Variants in RALGAPB observed in about 807,000 individuals in gnomAD.
The protein encoded by RALGAPB is Ral GTPase activating protein non-catalytic subunit beta.
A neutral mutation model predicts 161.1 loss-of-function variants in RALGAPB; 25 were observed. The ratio of observed to expected loss-of-function variants is 0.16; its 90% CI spans 0.11 to 0.22. RALGAPB has a LOEUF of 0.22. Ranked by LOEUF, RALGAPB falls within the 10% of genes least tolerant of loss-of-function variation. The pLI is 1.00. For synonymous variants in RALGAPB, 629 were observed against 626.1 expected, an observed-to-expected ratio of 1.00 and a Z score of -0.07; for missense variants, 1,391 against 1,815.2, an observed-to-expected ratio of 0.77 and a Z score of 4.25.
At chr20:38,477,147 C>G (rs1215665847) in intron 1 of RALGAPB, among the ~76,000 whole-genome samples, 1 of 152,232 alleles carries the variant, frequency 6.6e-6, no homozygotes, top group Non-Finnish European at 1.5e-5. Context: ...ATGGTAGCCA[C>G]TGGCCACATG....
chr20:38,538,823 A>G (rs960161273), intron 16 of RALGAPB, among the ~76,000 whole-genome samples: 1 of 152,226 alleles, frequency 6.6e-6, no homozygotes, highest in Non-Finnish European at 1.5e-5. Context: ...TGGAGCCACC[A>G]TTTTGGAAAA....
intron 28 of RALGAPB, among the ~76,000 whole-genome samples, chr20:38,571,189 C>G (rs1490249429): frequency 6.6e-6 from 1 of 152,102 alleles, no homozygotes; most frequent in Non-Finnish European, 1.5e-5. Flanking sequence ...TTTTCTCCTG[C>G]CCACTTAATT....
chr20:38,481,703 C>T (rs2122829747), intron 1 of RALGAPB, among the ~76,000 whole-genome samples: 1 of 152,282 alleles, frequency 6.6e-6, no homozygotes, highest in Admixed American at 6.5e-5. Flanking sequence ...CTTAATTAAG[C>T]CATAAACTCA....
chr20:38,546,357 T>C lies in RALGAPB; in HGVS notation c.2829T>C (p.His943=). The C allele has an allele frequency of 3.7e-6, 6 of 1,614,128 alleles. No homozygotes were observed. Among genetic ancestry groups the C allele is most frequent in the South Asian group, 2.2e-5 (2 of 91,080 alleles). ...KYSRLPTINK[H]SFRYFVLDNS... is the part of the protein sequence containing the mutation. ...CCAGGCTGCCAACCATAAACAAGCA[T>C]AGTTTCCGGTACTTTGTCTTGGATA... is the stretch of plus-strand genomic sequence containing the variant. Residue 943 remains histidine (H), a synonymous_variant, in exon 19 of 30, where the codon CAT becomes CAC. Coordinates refer to ENST00000262879, the MANE Select transcript of RALGAPB (RefSeq NM_020336.4).
chr20:38,508,797 A>G (rs1454853125), intron 5 of RALGAPB, among the ~76,000 whole-genome samples: 3 of 152,180 alleles, frequency 2.0e-5, no homozygotes, highest in African/African-American at 7.2e-5. Flanking sequence ...TGAACGCATA[A>G]TAGTTGTACA....
intron 18 of RALGAPB, among the ~76,000 whole-genome samples, chr20:38,544,126 G>A (rs1331880646): frequency 6.6e-6 from 1 of 152,118 alleles, no homozygotes; most frequent in African/African-American, 2.4e-5. Context: ...TGTGTACCAA[G>A]TTATTTAGCC....
rs928026101 is a variant in RALGAPB at position 38,578,850 on chromosome 20, C to G, written c.*3883C>G. On this transcript the variant is annotated 3_prime_UTR_variant, in exon 30 of 30. Transcript: ENST00000262879. ...TAGTCAATTAAATTTTAAGGAGATTCTTATCTAATAACTTTGTGTGTGCTT... is the reference window on the plus strand; with the variant it reads ...TAGTCAATTAAATTTTAAGGAGATTGTTATCTAATAACTTTGTGTGTGCTT... 1.3e-5 allele frequency: 2 copies of G among 152,586 alleles called. No homozygotes were observed. The highest frequency in any genetic ancestry group is 4.8e-5 in the African/African-American group (2 of 41,426). 9.5% of individuals were successfully genotyped at this position (152,586 alleles called of 1,614,324 possible).
Position 38,493,003 on chromosome 20 carries a change from T to C in RALGAPB, c.260T>C (p.Val87Ala). The change falls in exon 3 of 30, where the codon GTT (valine) becomes GCT (alanine). Residue 87 changes from valine to alanine, a missense_variant. This residue lies in a region of RALGAPB where 946 missense variants were observed against 1,257.2 expected (regional missense o/e 0.75). Transcript: ENST00000262879. ...GATGGAGAGACTGTAAAATATTGCG[T>C]TGATGTATATACAGACTGGATTATG... ...PLDGETVKYC[V>A]DVYTDWIMAL... 2.5e-6 allele frequency: 4 copies of C among 1,611,962 alleles called. No individual in the cohort carries two copies. Among genetic ancestry groups the C allele is most frequent in the Non-Finnish European group, 3.4e-6 (4 of 1,178,170 alleles).
chr20:38,518,564 A>G (rs1239778705), intron 9 of RALGAPB, among the ~76,000 whole-genome samples: 1 of 152,202 alleles, frequency 6.6e-6, no homozygotes, highest in Non-Finnish European at 1.5e-5. Flanking sequence ...TGATATCTTC[A>G]TTTAGATTTT....
chr20:38,545,461 A>G (rs1475358392), intron 18 of RALGAPB, among the ~76,000 whole-genome samples: 1 of 152,204 alleles, frequency 6.6e-6, no homozygotes, highest in African/African-American at 2.4e-5. Context: ...TGAAGATTTT[A>G]TCTTGTGGTT....
At chr20:38,556,524 A>G (rs1023073394) in intron 22 of RALGAPB, among the ~76,000 whole-genome samples, 1 of 152,148 alleles carries the variant, frequency 6.6e-6, no homozygotes, top group Non-Finnish European at 1.5e-5. Flanking sequence ...TACAAAAATT[A>G]ATGATTATGT....
At chr20:38,524,188 T>G (rs1311736523) in intron 10 of RALGAPB, among the ~76,000 whole-genome samples, 2 of 152,184 alleles carry the variant, frequency 1.3e-5, no homozygotes, top group Non-Finnish European at 2.9e-5. Flanking sequence ...TCAGGTATAT[T>G]CCTAAAAGGA....
intron 1 of RALGAPB, 106 bp from the exon 2 acceptor site, chr20:38,488,297 G>T (rs962935279): frequency 1.5e-6 from 1 of 689,488 alleles, no homozygotes; most frequent in Non-Finnish European, 2.3e-6. Flanking sequence ...GAGGCAAGAT[G>T]TTTGCAGCAT....
intron 5 of RALGAPB, among the ~76,000 whole-genome samples, chr20:38,505,227 C>T (rs2085725885): frequency 6.6e-6 from 1 of 152,182 alleles, no homozygotes. Flanking sequence ...ACATATGCAC[C>T]ATGGAATACT....
chr20:38,531,172 A>G lies in RALGAPB; in HGVS notation c.2056A>G (p.Met686Val), dbSNP rs747483925. The part of the protein sequence containing the change: ...PNNTQMILGA[M>V]LNIVQDSALL... ...CTGTTTTATTGTTGTTGTAGGGGCA[A>G]TGTTAAATATTGTTCAAGATTCAGC... Residue 686 changes from methionine (M) to valine (V), a missense_variant, in exon 14 of 30, where the codon ATG (methionine) becomes GTG (valine). Coordinates refer to ENST00000262879, the MANE Select transcript of RALGAPB (RefSeq NM_020336.4). 3.7e-5 allele frequency: 60 copies of G among 1,607,338 alleles called. No homozygotes were observed. The highest frequency in any genetic ancestry group is 4.9e-5 in the Non-Finnish European group (58 of 1,174,326).
At chr20:38,543,985 G>GT (rs1284262036) in intron 18 of RALGAPB, among the ~76,000 whole-genome samples, 3 of 152,176 alleles carry the variant, frequency 2.0e-5, no homozygotes, top group African/African-American at 7.2e-5. Context: ...TGCTGAACAC[G>GT]TAGTAGAAAA....
intron 9 of RALGAPB, 36 bp from the exon 10 acceptor site, chr20:38,521,461 T>C (rs1249192698): frequency 2.5e-6 from 4 of 1,612,382 alleles, no homozygotes; most frequent in Admixed American, 1.7e-5. Context: ...CGTGGCATAT[T>C]GCAAATATAA....
At chr20:38,565,791 G>T (rs932504094) in intron 25 of RALGAPB, among the ~76,000 whole-genome samples, 2 of 151,836 alleles carry the variant, frequency 1.3e-5, no homozygotes, top group Admixed American at 6.6e-5. Context: ...CTCTAATTAC[G>T]AGTGATCCCT....
Position 38,499,577 on chromosome 20 carries a change from G to A in RALGAPB, c.684G>A (p.Arg228=), listed in dbSNP as rs1473851826. 2 of 1,613,746 alleles carry A rather than the reference G, an allele frequency of 1.2e-6. No individual in the cohort carries two copies. Among genetic ancestry groups the A allele is most frequent in the African/African-American group, 1.3e-5 (1 of 74,856 alleles). ...KTAKEMVANW[R]HHPAVVEQWS... ...CCAAGGAGATGGTGGCTAACTGGAG[G>A]CATCACCCAGCAGTGGTGGAGCAGT... Residue 228 remains arginine, a synonymous_variant, in exon 5 of 30, where the codon AGG becomes AGA. Transcript: ENST00000262879.
Sources: allele counts gnomAD v4.1 joint callset (sites outside exome capture counted in the v4.1 genomes callset), GRCh38; gene constraint gnomAD v4.1.1; regional missense constraint gnomAD v4.1.1; transcripts MANE v1.5; gene names NCBI Gene and HGNC (gene_info 2026-07-23, HGNC 2026-07-21).